Variants in DCBLD2 observed in about 807,000 individuals in gnomAD.
DCBLD2 encodes discoidin, CUB and LCCL domain-containing protein 2.
Under a neutral mutation model 86.8 loss-of-function variants are expected in DCBLD2, and 54 were observed. The observed-to-expected ratio is 0.62, with a 90% confidence interval of 0.50 to 0.78. The LOEUF (loss-of-function observed/expected upper bound fraction) is 0.78. Ranked by LOEUF, DCBLD2 falls within the 30% of genes least tolerant of loss-of-function variation. The probability of loss-of-function intolerance (pLI) is 0.00; values close to 1 mark genes in which losing one functional copy is unlikely to be tolerated. For synonymous variants in DCBLD2, 354 were observed against 341.3 expected (o/e 1.04, Z -0.41); for missense variants, 908 against 954.2 (o/e 0.95, Z 0.64).
intron 1 of DCBLD2, among the ~76,000 whole-genome samples, chr3:98,899,917 C>T (rs13317610): frequency 6.6e-6 from 1 of 152,046 alleles, no homozygotes. Flanking sequence ...AAATACATCT[C>T]TACAGTGGAA....
At position 98,819,416 on chromosome 3, in the gene DCBLD2, T is replaced by A. The variant is rs2107445065; in HGVS notation, c.873A>T (p.Gly291=). Residue 291 remains glycine, a splice_region_variant and synonymous_variant, in exon 8 of 16, where the codon GGA becomes GGT. Coordinates refer to ENST00000326840, the MANE Select transcript of DCBLD2 (RefSeq NM_080927.4). ...STSLFTFKTS[G]CYGTLGMESG... is the part of the protein sequence containing the mutation. ...ACTCCATCCCCAGTGTTCCATAACA[T>A]CCTGAAACAAAGAAAAGACTAAATT... 1 of 1,613,678 alleles carries A rather than the reference T, an allele frequency of 6.2e-7. No homozygotes were observed. Among genetic ancestry groups the A allele is most frequent in the South Asian group, 1.1e-5 (1 of 91,010 alleles).
At chr3:98,852,869 C>G (rs1485601213) in intron 2 of DCBLD2, among the ~76,000 whole-genome samples, 1 of 130,994 alleles carries the variant, frequency 7.6e-6, no homozygotes, top group Non-Finnish European at 1.7e-5. Flanking sequence ...CTGAATTCTA[C>G]CAACAACTAG....
chr3:98,802,325 CA>C (rs1223880391), intron 13 of DCBLD2, among the ~76,000 whole-genome samples: 3 of 152,124 alleles, frequency 2.0e-5, no homozygotes, highest in Non-Finnish European at 4.4e-5. Context: ...AGCATTTTTT[CA>C]TGTGTTTGTT....
intron 3 of DCBLD2, among the ~76,000 whole-genome samples, chr3:98,825,630 T>C (rs1468918341): frequency 7.9e-6 from 1 of 125,904 alleles, no homozygotes; most frequent in Non-Finnish European, 1.7e-5. Context: ...CACACATATA[T>C]GTATATGTGT....
At chr3:98,838,973 C>T (rs186177087) in intron 3 of DCBLD2, among the ~76,000 whole-genome samples, 2 of 150,826 alleles carry the variant, frequency 1.3e-5, no homozygotes, top group South Asian at 2.1e-4. Flanking sequence ...TGCAGTGAGC[C>T]GAGATGGCAG....
rs556278274 is a variant in DCBLD2, at chr3:98,870,911, C to T, written c.433+10629G>A. 4.6e-5 allele frequency among the ~76,000 whole-genome samples: 7 copies of T among 152,030 alleles called. No homozygotes were observed. In the East Asian group the frequency reaches 1.4e-3, roughly 29 times the overall value. On this transcript the variant is annotated intron_variant, in intron 2 of 15. Transcript: ENST00000326840. ...TTTCACAATATTGATTCTTTTAATT[C>T]ATGAACATAGGAGGTTTTCTATTTG...
intron 1 of DCBLD2, among the ~76,000 whole-genome samples, chr3:98,892,541 G>A (rs949650986): frequency 7.2e-5 from 11 of 152,108 alleles, no homozygotes; most frequent in Non-Finnish European, 1.5e-4. Context: ...GAATTTCTCC[G>A]TGTTAAAACC....
Position 98,868,469 on chromosome 3 carries a change from T to A in DCBLD2, c.433+13071A>T, listed in dbSNP as rs887179663. On this transcript the variant is annotated intron_variant, in intron 2 of 15. Transcript: ENST00000326840. ...GTTGAAATTTATTTATATATTTTTT[T>A]AATTTTCAATAGCTTTAGGGGTACA... 1.1e-4 allele frequency among the ~76,000 whole-genome samples: 17 copies of A among 152,172 alleles called. No homozygotes were observed. The East Asian group carries it at 2.9e-3, about 26-fold the overall frequency.
chr3:98,847,297 G>T (rs1054436350), intron 3 of DCBLD2, among the ~76,000 whole-genome samples: 2 of 152,192 alleles, frequency 1.3e-5, no homozygotes, highest in African/African-American at 4.8e-5. Flanking sequence ...ACTGGCCAGA[G>T]GTTAGCCAGC....
At chr3:98,863,438 C>G (rs944532352) in intron 2 of DCBLD2, among the ~76,000 whole-genome samples, 6 of 152,208 alleles carry the variant, frequency 3.9e-5, no homozygotes, top group Non-Finnish European at 8.8e-5. Flanking sequence ...AAGCGGGAGG[C>G]ATCAAGCTAC....
chr3:98,865,662 A>G (rs1374287506), intron 2 of DCBLD2, among the ~76,000 whole-genome samples: 1 of 152,130 alleles, frequency 6.6e-6, no homozygotes, highest in Non-Finnish European at 1.5e-5. Context: ...TCTACAATGT[A>G]TACACATATG....
chr3:98,881,687 T>G lies in DCBLD2; in HGVS notation c.286A>C (p.Ser96Arg), dbSNP rs746573909. ...SINYPQTYPNSTVCEWEIRVK... is the reference protein window; with the variant it reads ...SINYPQTYPNRTVCEWEIRVK... ...CGGATCTCCCATTCACAAACAGTGC[T>G]GTTGGGATAGGTCTGTGGGTAGTTT... The change falls in exon 2 of 16, where the codon AGC (serine) becomes CGC (arginine). Residue 96 changes from serine (S) to arginine (R), a missense_variant. Ser to Arg is a moderately radical substitution (Grantham distance 110). Coordinates refer to ENST00000326840, the MANE Select transcript of DCBLD2 (RefSeq NM_080927.4). The G allele has an allele frequency of 1.2e-6, 2 of 1,613,964 alleles. No homozygotes were observed. Among genetic ancestry groups the G allele is most frequent in the Admixed American group, 3.3e-5 (2 of 60,018 alleles).
intron 2 of DCBLD2, among the ~76,000 whole-genome samples, chr3:98,878,471 G>T (rs1943407760): frequency 6.6e-6 from 1 of 151,140 alleles, no homozygotes; most frequent in Non-Finnish European, 1.5e-5. Flanking sequence ...GTTTTCTAAA[G>T]GGGCACTGAG....
At chr3:98,881,277 AAAC>A (rs1368082573) in intron 2 of DCBLD2, among the ~76,000 whole-genome samples, 2 of 151,804 alleles carry the variant, frequency 1.3e-5, no homozygotes, top group Non-Finnish European at 2.9e-5. Flanking sequence ...AAAAAAAAAA[AAAC>A]AGAGAATTAA....
intron 9 of DCBLD2, chr3:98,815,916 G>A (rs1942012599): frequency 6.6e-6 from 1 of 150,668 alleles, no homozygotes; most frequent in Non-Finnish European, 1.5e-5. Flanking sequence ...ATACCTTCAA[G>A]GGTCATAATA....
intron 2 of DCBLD2, among the ~76,000 whole-genome samples, chr3:98,851,445 T>C (rs1190919527): frequency 6.6e-6 from 1 of 152,038 alleles, no homozygotes; most frequent in Non-Finnish European, 1.5e-5. Context: ...TAAGAGCGGA[T>C]ACAAATGGAA....
At chr3:98,834,030 T>C (rs1056698750) in intron 3 of DCBLD2, among the ~76,000 whole-genome samples, 7 of 152,078 alleles carry the variant, frequency 4.6e-5, no homozygotes, top group South Asian at 2.1e-4. Flanking sequence ...TCACCTCGGA[T>C]TTTCCAGCAC....
At chr3:98,866,842 C>A (rs1943157230) in intron 2 of DCBLD2, among the ~76,000 whole-genome samples, 1 of 152,286 alleles carries the variant, frequency 6.6e-6, no homozygotes, top group African/African-American at 2.4e-5. Context: ...GGTTTTAGGT[C>A]TAACATTTAA....
chr3:98,883,538 C>T lies in DCBLD2; in HGVS notation c.206-1771G>A, dbSNP rs1407661736. ...CATGTTTGTAAAAATGAAATATTTGCATTCTTTATCATAAAGTTTGTATTT... is the reference window on the plus strand; with the variant it reads ...CATGTTTGTAAAAATGAAATATTTGTATTCTTTATCATAAAGTTTGTATTT... On this transcript the variant is annotated intron_variant, in intron 1 of 15. Transcript: ENST00000326840. Among the ~76,000 whole-genome samples, 4 of 152,078 alleles carry T rather than the reference C, an allele frequency of 2.6e-5. No homozygotes were observed. In the East Asian group the frequency reaches 5.8e-4, roughly 22 times the overall value.
Sources: gnomAD v4.1 joint callset for allele counts (sites outside exome capture counted in the v4.1 genomes callset) on GRCh38, gnomAD v4.1.1 for gene constraint, MANE v1.5 for transcripts, NCBI Gene and HGNC (gene_info 2026-07-23, HGNC 2026-07-21) for gene names.